KDM4C: variants seen among roughly 807,000 people sequenced by gnomAD.
KDM4C encodes lysine-specific demethylase 4C.
KDM4C carries 81 observed loss-of-function variants against 129.3 expected under a neutral mutation model. The ratio of observed to expected loss-of-function variants is 0.63; its 90% CI spans 0.52 to 0.75. KDM4C has a LOEUF of 0.75. Among genes scored for constraint, KDM4C ranks in the 30% least tolerant of loss-of-function variants. The pLI, the probability that KDM4C is intolerant of heterozygous loss-of-function variation, is 0.00. For missense variants in KDM4C, 1,457 were observed against 1,304.0 expected, an observed-to-expected ratio of 1.12 and a Z score of -1.81; for synonymous variants, 573 against 456.1, an observed-to-expected ratio of 1.26 and a Z score of -3.26.
chr9:6,892,613 T>C (rs1045783829), intron 7 of KDM4C, among the ~76,000 whole-genome samples: 1 of 152,148 alleles, frequency 6.6e-6, no homozygotes, highest in Non-Finnish European at 1.5e-5. Flanking sequence ...TAGGAAAAAA[T>C]AATTTGATGA....
At chr9:6,865,287 C>T (rs541113023) in intron 5 of KDM4C, among the ~76,000 whole-genome samples, 50 of 152,218 alleles carry the variant, frequency 3.3e-4, no homozygotes, top group South Asian at 1.9e-3. Flanking sequence ...GGATTACAAG[C>T]GTGAGCCAAA....
At chr9:7,025,524 A>G (rs1351352754) in intron 15 of KDM4C, among the ~76,000 whole-genome samples, 1 of 152,142 alleles carries the variant, frequency 6.6e-6, no homozygotes, top group Non-Finnish European at 1.5e-5. Context: ...TATATGTTAT[A>G]TGGTTTTTGA....
At position 6,867,265 on chromosome 9, in the gene KDM4C, C is replaced by T. The variant is rs1416411944; in HGVS notation, c.630-12747C>T. 7.9e-5 allele frequency among the ~76,000 whole-genome samples: 12 copies of T among 152,194 alleles called. No homozygotes were observed. In the East Asian group the frequency reaches 9.7e-4, roughly 12 times the overall value. On this transcript the variant is annotated intron_variant, in intron 5 of 21. Transcript: ENST00000381309. The stretch of plus-strand genomic sequence containing the variant: ...TCCTGACCTCGTGATCCGCCCACCT[C>T]GGCCTCTGAAAGTGCTGGGATTACA...
intron 17 of KDM4C, among the ~76,000 whole-genome samples, chr9:7,088,032 A>T (rs1215295236): frequency 2.6e-5 from 4 of 152,234 alleles, no homozygotes; most frequent in Admixed American, 2.6e-4. Context: ...CTGGGCTCCC[A>T]CTTAGATCTA....
At chr9:7,094,803 A>G (rs1166260225) in intron 17 of KDM4C, among the ~76,000 whole-genome samples, 1 of 152,186 alleles carries the variant, frequency 6.6e-6, no homozygotes, top group Admixed American at 6.5e-5. Context: ...CTCAATCATA[A>G]ATTTCCTCAA....
intron 8 of KDM4C, among the ~76,000 whole-genome samples, chr9:6,953,284 A>T (rs1431312961): frequency 6.6e-6 from 1 of 152,216 alleles, no homozygotes; most frequent in Non-Finnish European, 1.5e-5. Context: ...TCACCAGCTT[A>T]TTCAGCAGTT....
At chr9:6,970,474 A>T (rs1376942893) in intron 8 of KDM4C, among the ~76,000 whole-genome samples, 2 of 152,248 alleles carry the variant, frequency 1.3e-5, no homozygotes, top group Non-Finnish European at 2.9e-5. Context: ...TGAACCAAAG[A>T]TGGATGTAAT....
chr9:6,775,608 C>T (rs1373141002), intron 1 of KDM4C, among the ~76,000 whole-genome samples: 1 of 151,686 alleles, frequency 6.6e-6, no homozygotes, highest in East Asian at 1.9e-4. Context: ...CTGCAACCTC[C>T]ACCACGCAGG....
At chr9:7,055,629 T>C (rs1328819800) in intron 17 of KDM4C, among the ~76,000 whole-genome samples, 1 of 151,944 alleles carries the variant, frequency 6.6e-6, no homozygotes, top group African/African-American at 2.4e-5. Flanking sequence ...GAAAATAGAG[T>C]GGTTTCACTG....
At chr9:7,045,814 T>C (rs1416220928) in intron 15 of KDM4C, among the ~76,000 whole-genome samples, 1 of 152,080 alleles carries the variant, frequency 6.6e-6, no homozygotes, top group East Asian at 1.9e-4. Context: ...TACATGATTC[T>C]TTCCAGTTGT....
intron 19 of KDM4C, among the ~76,000 whole-genome samples, chr9:7,155,924 C>G (rs77466513): frequency 0.25 from 38,423 of 152,120 alleles, 5,406 homozygotes; most frequent in African/African-American, 0.36. Context: ...GATCCGTGAG[C>G]AATCGCCATA....
intron 19 of KDM4C, among the ~76,000 whole-genome samples, chr9:7,150,148 A>G (rs1842597779): frequency 6.6e-6 from 1 of 152,206 alleles, no homozygotes; most frequent in South Asian, 2.1e-4. Flanking sequence ...AATCAGGTTG[A>G]CAATGCCGGA....
At chr9:7,053,549 A>T (rs974615495) in intron 17 of KDM4C, among the ~76,000 whole-genome samples, 1 of 152,204 alleles carries the variant, frequency 6.6e-6, no homozygotes, top group Non-Finnish European at 1.5e-5. Context: ...GCCTTTGTTC[A>T]TCATACAATT....
chr9:7,136,415 C>A (rs185822867), intron 19 of KDM4C, among the ~76,000 whole-genome samples: 3 of 152,314 alleles, frequency 2.0e-5, no homozygotes, highest in Admixed American at 1.3e-4. Context: ...AAACTGTTTT[C>A]CAAAGTGGCT....
At chr9:6,908,612 G>T (rs773424688) in intron 8 of KDM4C, among the ~76,000 whole-genome samples, 46 of 152,120 alleles carry the variant, frequency 3.0e-4, no homozygotes, top group Admixed American at 5.2e-4. Flanking sequence ...AGATCTTCTT[G>T]GGGGGAGGAT....
chr9:6,750,792 G>GT (rs999395870), intron 1 of KDM4C, among the ~76,000 whole-genome samples: 2 of 152,228 alleles, frequency 1.3e-5, no homozygotes, highest in Non-Finnish European at 2.9e-5. Context: ...AAACGTAGTG[G>GT]TTTAGAGCAG....
intron 1 of KDM4C, among the ~76,000 whole-genome samples, chr9:6,761,811 C>CT (rs1236499252): frequency 6.6e-6 from 1 of 152,008 alleles, no homozygotes; most frequent in East Asian, 1.9e-4. Flanking sequence ...ACCTCTGTCT[C>CT]TTTTTTCTTT....
At chr9:7,057,443 C>G (rs536355913) in intron 17 of KDM4C, among the ~76,000 whole-genome samples, 2 of 152,320 alleles carry the variant, frequency 1.3e-5, no homozygotes, top group South Asian at 4.1e-4. Flanking sequence ...AGAGTACAGG[C>G]TCTGGGTTAA....
intron 3 of KDM4C, among the ~76,000 whole-genome samples, chr9:6,810,036 T>A (rs1461210415): frequency 7.5e-6 from 1 of 133,882 alleles, no homozygotes; most frequent in Admixed American, 7.3e-5. Flanking sequence ...TAACTTTAAC[T>A]CTAAGAGGCA....
Sources: gnomAD v4.1 joint callset for allele counts (sites outside exome capture counted in the v4.1 genomes callset) on GRCh38, gnomAD v4.1.1 for gene constraint, MANE v1.5 for transcripts, NCBI Gene and HGNC (gene_info 2026-07-23, HGNC 2026-07-21) for gene names.